DNMBP: variants seen among roughly 807,000 people sequenced by gnomAD.
The protein encoded by DNMBP is dynamin-binding protein.
In DNMBP, 87 loss-of-function variants were observed where a neutral mutation model predicts 150.0. That is an observed-to-expected ratio of 0.58 (90% CI 0.49 to 0.69). The LOEUF (loss-of-function observed/expected upper bound fraction) is 0.69, where lower values mean the gene tolerates loss of function less well. Among genes scored for constraint, DNMBP ranks in the 30% least tolerant of loss-of-function variants. The probability of loss-of-function intolerance (pLI) is 0.00; values close to 1 mark genes in which losing one functional copy is unlikely to be tolerated. For synonymous variants in DNMBP, 711 were observed against 750.4 expected, an observed-to-expected ratio of 0.95 and a Z score of 0.86; for missense variants, 1,774 against 1,949.0, an observed-to-expected ratio of 0.91 and a Z score of 1.69.
intron 4 of DNMBP, among the ~76,000 whole-genome samples, chr10:99,917,803 A>T (rs2039980273): frequency 6.6e-6 from 1 of 151,934 alleles, no homozygotes. Context: ...GTCTCTAAAA[A>T]AAATACAAAA....
chr10:99,971,724 C>T (rs1164972852), intron 2 of DNMBP, among the ~76,000 whole-genome samples: 2 of 149,868 alleles, frequency 1.3e-5, no homozygotes, highest in Admixed American at 1.3e-4. Context: ...CTCACCATCT[C>T]ACCATGTTGG....
chr10:99,928,351 A>C (rs1004176946), intron 4 of DNMBP: 3 of 152,144 alleles, frequency 2.0e-5, no homozygotes, highest in Admixed American at 2.0e-4. Context: ...TAGACGAGAA[A>C]CTTTCTACTT....
In DNMBP at chr10:99,921,265, T is replaced by C. The variant is rs75600343; in HGVS notation, c.2261-12119A>G. On this transcript the variant is annotated intron_variant, in intron 4 of 16. Transcript: ENST00000324109. ...CTGCTCACCTACTGTCTTTTAAAGC[T>C]CAAATCCCAGCTTCTCCATGACACT... Among the ~76,000 whole-genome samples the C allele has an allele frequency of 4.5e-3, 681 of 152,340 alleles. 5 individuals carry two copies. Among genetic ancestry groups the C allele is most frequent in the African/African-American group, 0.016 (652 of 41,572 alleles).
intron 12 of DNMBP, among the ~76,000 whole-genome samples, chr10:99,887,266 T>C (rs1285496671): frequency 2.6e-5 from 4 of 152,182 alleles, no homozygotes; most frequent in Admixed American, 2.6e-4. Flanking sequence ...TTGGGAACGG[T>C]GGCTCATGCC....
intron 3 of DNMBP, 177 bp from the exon 4 acceptor site, chr10:99,957,382 G>A: frequency 3.1e-6 from 2 of 643,272 alleles, no homozygotes; most frequent in Non-Finnish European, 5.3e-6. Context: ...CTATAAACCT[G>A]TAGTTTTCAG....
Position 99,877,190 on chromosome 10 carries a change from G to T in DNMBP, c.4695C>A (p.Tyr1565Ter). 3.1e-6 allele frequency: 5 copies of T among 1,613,478 alleles called. No homozygotes were observed. The highest frequency in any genetic ancestry group is 4.2e-6 in the Non-Finnish European group (5 of 1,179,806). Residue 1565 changes from tyrosine to a stop codon, truncating the protein, a stop_gained, in exon 17 of 17, where the codon TAC (tyrosine) becomes TAA (stop). Coordinates refer to ENST00000324109, the MANE Select transcript of DNMBP (RefSeq NM_015221.4). LOFTEE classifies it high-confidence loss of function. ...TTTTGCGGATATAATTGGAGGGAAC[G>T]TAGCCCTTCTTCCCGTTAACCTCAG... is the stretch of plus-strand genomic sequence containing the variant. ...WLAEVNGKKG[Y>*]VPSNYIRKTE...
chr10:99,906,610 G>A (rs1168671560), intron 6 of DNMBP, among the ~76,000 whole-genome samples: 2 of 152,082 alleles, frequency 1.3e-5, no homozygotes, highest in African/African-American at 4.8e-5. Flanking sequence ...TCTCTCACAG[G>A]TCACTCTAGG....
intron 4 of DNMBP, among the ~76,000 whole-genome samples, chr10:99,924,906 A>G (rs1428603955): frequency 1.3e-5 from 2 of 152,314 alleles, no homozygotes; most frequent in East Asian, 3.9e-4. Flanking sequence ...CCTGCTCCAC[A>G]GCAATTACTG....
At chr10:99,911,192 G>T (rs1438323496) in intron 4 of DNMBP, among the ~76,000 whole-genome samples, 1 of 152,052 alleles carries the variant, frequency 6.6e-6, no homozygotes, top group African/African-American at 2.4e-5. Flanking sequence ...AGTAAGCTGA[G>T]ATTATGCCAC....
At chr10:99,993,480 T>G (rs1303210115) in intron 1 of DNMBP, among the ~76,000 whole-genome samples, 1 of 152,214 alleles carries the variant, frequency 6.6e-6, no homozygotes, top group Non-Finnish European at 1.5e-5. Flanking sequence ...GTCTCTCCTC[T>G]TTCCGAAATC....
At chr10:99,968,356 G>A (rs776251146) in intron 3 of DNMBP, among the ~76,000 whole-genome samples, 19 of 151,734 alleles carry the variant, frequency 1.3e-4, no homozygotes, top group African/African-American at 3.2e-4. Context: ...CTCCGCCCAC[G>A]CCCCGTATCA....
chr10:99,884,116 C>G lies in DNMBP; in HGVS notation c.3892G>C (p.Ala1298Pro), dbSNP rs1298261431. The change falls in exon 15 of 17, where the codon GCT becomes CCT. Residue 1298 changes from alanine to proline, a missense_variant. This residue lies in a region of DNMBP where 1,430 missense variants were observed against 1,492.5 expected (regional missense o/e 0.96). Coordinates refer to ENST00000324109, the MANE Select transcript of DNMBP (RefSeq NM_015221.4). ...AGTGAGACATCCAAGTCTTGAGCAG[C>G]ATTGAAGTTCCGTTCTGCCTGGAAG... ...KLFQAERNFN[A>P]AQDLDVSLLE... The G allele has an allele frequency of 6.2e-7, 1 of 1,614,172 alleles. No homozygotes were observed. Among genetic ancestry groups the G allele is most frequent in the South Asian group, 1.1e-5 (1 of 91,084 alleles).
chr10:99,950,475 C>T (rs1036158091), intron 4 of DNMBP, among the ~76,000 whole-genome samples: 1 of 152,090 alleles, frequency 6.6e-6, no homozygotes, highest in African/African-American at 2.4e-5. Context: ...CAGAAGAAGA[C>T]AGGAAAATGT....
In DNMBP at chr10:100,004,974, G is replaced by A. The variant is rs527795644; in HGVS notation, c.-11+4864C>T. ...CAGAAAATGCCAAAGACATGAATAA[G>A]CAATTTACAGAGGAAGCTATCTGTA... On this transcript the variant is annotated intron_variant, in intron 1 of 16. Coordinates refer to ENST00000324109, the MANE Select transcript of DNMBP (RefSeq NM_015221.4). Among the ~76,000 whole-genome samples the A allele has an allele frequency of 4.6e-5, 7 of 152,232 alleles. No homozygotes were observed. The East Asian group carries it at 1.4e-3, about 29-fold the overall frequency.
At position 99,972,135 on chromosome 10, in the gene DNMBP, C is replaced by A; in HGVS notation, c.-10-1G>T. The A allele has an allele frequency of 6.2e-7, 1 of 1,605,412 alleles. No homozygotes were observed. Among genetic ancestry groups the A allele is most frequent in the Non-Finnish European group, 8.5e-7 (1 of 1,177,630 alleles). On this transcript the variant is annotated splice_acceptor_variant, in intron 1 of 16. Transcript: ENST00000324109. LOFTEE classifies it low-confidence loss of function (5UTR_SPLICE). ...TGAGCCAGCCTCCATGTTTTATAAC[C>A]TGGAAAGATAGATCAAGAGAAATAG...
intron 12 of DNMBP, among the ~76,000 whole-genome samples, chr10:99,888,195 GTTTT>G (rs111791997): frequency 2.1e-5 from 3 of 139,676 alleles, no homozygotes; most frequent in South Asian, 2.3e-4. Context: ...TGTCTTCAAG[GTTTT>G]TTTTTTGTTT....
intron 3 of DNMBP, among the ~76,000 whole-genome samples, chr10:99,965,981 T>C (rs2040615488): frequency 6.6e-6 from 1 of 152,254 alleles, no homozygotes; most frequent in African/African-American, 2.4e-5. Context: ...ATATCTGGCA[T>C]AAAACAATAC....
intron 11 of DNMBP, among the ~76,000 whole-genome samples, chr10:99,891,173 C>CCTCTCCCCCTCTCCCT (rs1212092392): frequency 6.8e-6 from 1 of 146,872 alleles, no homozygotes; most frequent in African/African-American, 2.5e-5. Context: ...TCCCCCTCTC[C>CCTCTCCCCCTCTCCCT]CTCCCCCTCT....
chr10:99,960,206 T>C lies in DNMBP; in HGVS notation c.269-3001A>G, dbSNP rs1375065615. 3.3e-5 allele frequency among the ~76,000 whole-genome samples: 5 copies of C among 152,200 alleles called. No individual in the cohort carries two copies. The East Asian group carries it at 9.6e-4, about 29-fold the overall frequency. On this transcript the variant is annotated intron_variant, in intron 3 of 16. Transcript: ENST00000324109. ...ATTTATGATTTAATTTTGAAAAAAT[T>C]ACTCTAATTTTATCAACTGTTTTAT... is the stretch of plus-strand genomic sequence containing the variant.
Sources: allele counts gnomAD v4.1 joint callset (sites outside exome capture counted in the v4.1 genomes callset), GRCh38; gene constraint gnomAD v4.1.1; regional missense constraint gnomAD v4.1.1; transcripts MANE v1.5; gene names NCBI Gene and HGNC (gene_info 2026-07-23, HGNC 2026-07-21).